CPNE4: variants seen among roughly 807,000 people sequenced by gnomAD.
CPNE4 encodes copine-4.
In CPNE4, 25 loss-of-function variants were observed where a neutral mutation model predicts 67.9. The ratio of observed to expected loss-of-function variants is 0.37; its 90% CI spans 0.27 to 0.51. The LOEUF (loss-of-function observed/expected upper bound fraction) is 0.51. CPNE4 is among the 20% of genes least tolerant of loss of function. CPNE4 has a pLI of 0.93. For missense variants in CPNE4, 464 were observed against 690.8 expected (o/e 0.67, Z 3.68); for synonymous variants, 242 against 244.9 (o/e 0.99, Z 0.11).
chr3:131,978,228 C>A (rs183590243), intron 1 of CPNE4, among the ~76,000 whole-genome samples: 4 of 10,002 alleles, frequency 4.0e-4, no homozygotes, highest in African/African-American at 8.2e-4. Flanking sequence ...AATAAATTTA[C>A]ATATTTATAT....
chr3:131,816,798 A>T (rs1208564267), intron 2 of CPNE4, among the ~76,000 whole-genome samples: 1 of 152,148 alleles, frequency 6.6e-6, no homozygotes, highest in Non-Finnish European at 1.5e-5. Context: ...CTAAATGCCA[A>T]CTTCTACCCC....
At chr3:131,637,225 T>C (rs1331492370) in intron 7 of CPNE4, among the ~76,000 whole-genome samples, 2 of 152,042 alleles carry the variant, frequency 1.3e-5, no homozygotes, top group Non-Finnish European at 2.9e-5. Context: ...ATTCAGAAGG[T>C]TGATTATCAA....
At chr3:131,596,436 A>C (rs1192138016) in intron 7 of CPNE4, among the ~76,000 whole-genome samples, 1 of 119,576 alleles carries the variant, frequency 8.4e-6, no homozygotes, top group Non-Finnish European at 1.7e-5. Flanking sequence ...TCCCGGCTAA[A>C]ACGGTGAAAC....
At chr3:131,763,619 T>G (rs2082943463) in intron 2 of CPNE4, among the ~76,000 whole-genome samples, 1 of 152,208 alleles carries the variant, frequency 6.6e-6, no homozygotes, top group Non-Finnish European at 1.5e-5. Flanking sequence ...CAGATCAGGT[T>G]TACCTCCCAG....
intron 2 of CPNE4, among the ~76,000 whole-genome samples, chr3:131,875,076 T>C (rs2087382851): frequency 6.6e-6 from 1 of 152,242 alleles, no homozygotes; most frequent in Non-Finnish European, 1.5e-5. Context: ...TAGGCTGAGA[T>C]ACTGAGCAAC....
chr3:131,881,508 AG>A (rs2087672162), intron 2 of CPNE4, among the ~76,000 whole-genome samples: 1 of 152,038 alleles, frequency 6.6e-6, no homozygotes, highest in Non-Finnish European at 1.5e-5. Context: ...GTTCAATTAT[AG>A]GTGTGTTCTT....
At chr3:131,577,212 G>A (rs1023239771) in intron 9 of CPNE4, among the ~76,000 whole-genome samples, 10 of 152,002 alleles carry the variant, frequency 6.6e-5, no homozygotes, top group African/African-American at 2.4e-4. Flanking sequence ...GTAAGGATAT[G>A]GTCCTGTATA....
intron 3 of CPNE4, among the ~76,000 whole-genome samples, chr3:131,703,700 G>A (rs1334093944): frequency 6.6e-6 from 1 of 151,910 alleles, no homozygotes; most frequent in African/African-American, 2.4e-5. Flanking sequence ...TCATGAGGCT[G>A]TTTTTATTGA....
chr3:131,794,735 TCTTC>T (rs1380261317), intron 2 of CPNE4, among the ~76,000 whole-genome samples: 1 of 152,260 alleles, frequency 6.6e-6, no homozygotes, highest in African/African-American at 2.4e-5. Context: ...AGGTAGATGT[TCTTC>T]CTTATGTTCT....
intron 1 of CPNE4, among the ~76,000 whole-genome samples, chr3:131,928,630 G>A (rs538929224): frequency 7.6e-4 from 115 of 152,282 alleles, no homozygotes; most frequent in African/African-American, 2.6e-3. Context: ...ATGTGCCTGA[G>A]GTGTGATCAC....
intron 3 of CPNE4, among the ~76,000 whole-genome samples, chr3:131,709,147 T>C (rs2081496977): frequency 6.6e-6 from 1 of 151,878 alleles, no homozygotes; most frequent in Non-Finnish European, 1.5e-5. Flanking sequence ...TTTTTATTAG[T>C]TATCTCTCAA....
chr3:131,820,458 T>A (rs548324496), intron 2 of CPNE4, among the ~76,000 whole-genome samples: 13 of 152,372 alleles, frequency 8.5e-5, no homozygotes, highest in African/African-American at 3.1e-4. Context: ...TCTCTGCAGC[T>A]GAGGCAGTCC....
intron 7 of CPNE4, among the ~76,000 whole-genome samples, chr3:131,624,680 G>T (rs1560002898): frequency 6.6e-6 from 1 of 152,216 alleles, no homozygotes; most frequent in East Asian, 1.9e-4. Context: ...GAGAGACCTA[G>T]AACCTATAAA....
intron 1 of CPNE4, among the ~76,000 whole-genome samples, chr3:131,959,877 G>C (rs1464288505): frequency 1.3e-5 from 2 of 152,166 alleles, no homozygotes; most frequent in African/African-American, 2.4e-5. Flanking sequence ...ATGCCTGAAA[G>C]AACCTTGTTT....
chr3:131,882,616 T>TGC (rs201594876), intron 2 of CPNE4, among the ~76,000 whole-genome samples: 42,427 of 151,992 alleles, frequency 0.28, 7,206 homozygotes, highest in Non-Finnish European at 0.37. Flanking sequence ...TATAATGGTG[T>TGC]TAGACACTAT....
intron 2 of CPNE4, among the ~76,000 whole-genome samples, chr3:131,868,430 G>A (rs116315542): frequency 5.3e-5 from 8 of 152,120 alleles, no homozygotes; most frequent in African/African-American, 1.9e-4. Flanking sequence ...AGAACTGCAC[G>A]TGGAGAATGG....
intron 7 of CPNE4, among the ~76,000 whole-genome samples, chr3:131,587,826 G>C (rs1938285773): frequency 7.9e-5 from 12 of 152,186 alleles, no homozygotes. Context: ...CCATTTTTCA[G>C]ATAAGGCCAG....
At chr3:132,007,555 A>G (rs1276805696) in intron 1 of CPNE4, among the ~76,000 whole-genome samples, 1 of 152,058 alleles carries the variant, frequency 6.6e-6, no homozygotes, top group Non-Finnish European at 1.5e-5. Flanking sequence ...CACGTTGACT[A>G]TCTCCACAAT....
intron 7 of CPNE4, among the ~76,000 whole-genome samples, chr3:131,592,763 G>A (rs1938616755): frequency 6.6e-6 from 1 of 152,128 alleles, no homozygotes; most frequent in South Asian, 2.1e-4. Flanking sequence ...GATTGAAACT[G>A]TAAACTACTA....
Sources: allele counts gnomAD v4.1 joint callset (sites outside exome capture counted in the v4.1 genomes callset), GRCh38; gene constraint gnomAD v4.1.1; transcripts MANE v1.5; gene names NCBI Gene and HGNC (gene_info 2026-07-23, HGNC 2026-07-21).